Variants in CENPI observed in about 807,000 individuals in gnomAD.
CENPI encodes the protein centromere protein I.
In CENPI, 4 loss-of-function variants were observed where a neutral mutation model predicts 60.4. The ratio of observed to expected loss-of-function variants is 0.07; its 90% CI spans 0.03 to 0.15. CENPI has a LOEUF of 0.15. Ranked by LOEUF, CENPI falls within the 10% of genes least tolerant of loss-of-function variation. The probability of loss-of-function intolerance (pLI) is 1.00; values close to 1 mark genes in which losing one functional copy is unlikely to be tolerated. For synonymous variants in CENPI, 157 were observed against 189.4 expected (o/e 0.83, Z 1.40); for missense variants, 444 against 534.5 (o/e 0.83, Z 1.67).
At chrX:101,126,912 A>G in intron 9 of CENPI, 114 bp downstream of exon 9, 1 of 736,970 alleles carries the variant, frequency 1.4e-6, no homozygotes, top group South Asian at 2.9e-5. Context: ...ACTGTCTAGT[A>G]TTGTGGTACT....
intron 18 of CENPI, among the ~76,000 whole-genome samples, chrX:101,146,515 A>G (rs1158526595): frequency 3.6e-5 from 4 of 111,433 alleles, no homozygotes; most frequent in African/African-American, 9.8e-5. Context: ...TTGTTGTGCA[A>G]TGGTACTGTT....
chrX:101,178,691 G>A, the CENPI span, among the ~76,000 whole-genome samples: 1 of 111,438 alleles, frequency 9.0e-6, no homozygotes, highest in African/African-American at 3.3e-5. Flanking sequence ...GATTACAGGC[G>A]TGAGCCACCA....
chrX:101,131,289 G>A (rs1298138164), intron 13 of CENPI, among the ~76,000 whole-genome samples: 5 of 111,871 alleles, frequency 4.5e-5, no homozygotes, highest in Non-Finnish European at 9.4e-5. Context: ...GAGATTATAG[G>A]TGTGAGCCAT....
At chrX:101,112,179 A>C (rs1276880067) in intron 6 of CENPI, among the ~76,000 whole-genome samples, 1 of 112,610 alleles carries the variant, frequency 8.9e-6, no homozygotes, top group Admixed American at 9.4e-5. Flanking sequence ...TGAGCATTCA[A>C]GTGAAAAATC....
the CENPI span, among the ~76,000 whole-genome samples, chrX:101,173,661 T>TAA: frequency 9.0e-6 from 1 of 110,870 alleles, no homozygotes; most frequent in South Asian, 3.8e-4. Flanking sequence ...CAGAGACCAT[T>TAA]ATGAACACCT....
intron 20 of CENPI, among the ~76,000 whole-genome samples, chrX:101,157,690 C>G (rs1602860611): frequency 9.9e-6 from 1 of 101,116 alleles, no homozygotes; most frequent in African/African-American, 3.6e-5. Flanking sequence ...TTGGTTGTTT[C>G]ATTTTTTTAA....
At chrX:101,107,243 A>G (rs1427133635) in intron 4 of CENPI, among the ~76,000 whole-genome samples, 1 of 110,735 alleles carries the variant, frequency 9.0e-6, no homozygotes. Flanking sequence ...AGTGTCCGTC[A>G]GTAGCTTTAA....
In CENPI at chrX:101,165,666, G is replaced by T. The variant is rs749243875; in HGVS notation, c.*2699G>T. ...AGCTAGAGAAGAGAAGGTAGCAAAA[G>T]ACAGAGACCTAAGGTATGCCAGCAT... On this transcript the variant is annotated 3_prime_UTR_variant, in exon 22 of 22. Transcript: ENST00000682095. 9.9e-5 allele frequency among the ~76,000 whole-genome samples: 11 copies of T among 111,321 alleles called. No individual in the cohort carries two copies. The highest frequency in any genetic ancestry group is 9.4e-5 in the Non-Finnish European group (5 of 53,106).
chrX:101,115,286 A>ATT lies in CENPI; in HGVS notation c.592-5105_592-5104dup, dbSNP rs1394282270. ...GCCATTTATTTTTTTCATTATTTCTATTTTTTTTTTTTAAATTTGAGATGG... is the reference window on the plus strand; with the variant it reads ...GCCATTTATTTTTTTCATTATTTCTATTTTTTTTTTTTTTAAATTTGAGATGG... On this transcript the variant is annotated intron_variant, in intron 6 of 21. Transcript: ENST00000682095. Among the ~76,000 whole-genome samples the ATT allele has an allele frequency of 4.5e-5, 4 of 89,366 alleles. No individual in the cohort carries two copies. In the East Asian group the frequency reaches 1.4e-3, roughly 31 times the overall value. The allele number at this position is 89,366 out of a possible 115,157, so 77.6% of individuals were successfully genotyped here. A position where few individuals can be genotyped will look rare whatever the true frequency, so the allele number is the denominator to read the frequency against.
At chrX:101,112,935 A>G (rs1249288074) in intron 6 of CENPI, among the ~76,000 whole-genome samples, 3 of 109,462 alleles carry the variant, frequency 2.7e-5, no homozygotes, top group East Asian at 5.7e-4. Context: ...ATAAATTCAG[A>G]TATCTTATTT....
intron 4 of CENPI, among the ~76,000 whole-genome samples, chrX:101,107,525 T>G (rs1296707650): frequency 3.7e-5 from 4 of 106,926 alleles, no homozygotes; most frequent in Non-Finnish European, 7.7e-5. Context: ...CCCAGCTAAT[T>G]TTTGTATTTT....
At chrX:101,155,656 G>T (rs763896836) in intron 20 of CENPI, among the ~76,000 whole-genome samples, 1 of 111,993 alleles carries the variant, frequency 8.9e-6, no homozygotes, top group Non-Finnish European at 1.9e-5. Flanking sequence ...ATCCTGTTTG[G>T]TGATGGATAA....
chrX:101,098,442 A>G lies in CENPI; in HGVS notation c.-109-2A>G, dbSNP rs1417309425. ...AGCTGCTCCCCTGCCCTTCTTTCCT[A>G]GGAACCTAGGAAATAACTCGGAACC... is the stretch of plus-strand genomic sequence containing the variant. On this transcript the variant is annotated splice_acceptor_variant, in intron 1 of 21. Coordinates refer to ENST00000682095, the MANE Select transcript of CENPI (RefSeq NM_001386188.2). LOFTEE classifies it low-confidence loss of function (5UTR_SPLICE). The G allele has an allele frequency of 1.7e-4, 19 of 110,757 alleles. No individual in the cohort carries two copies. 9.1% of individuals were successfully genotyped at this position (110,757 alleles called of 1,213,427 possible).
At chrX:101,125,336 T>A (rs1171787463) in intron 8 of CENPI, among the ~76,000 whole-genome samples, 2 of 111,994 alleles carry the variant, frequency 1.8e-5, no homozygotes, top group Admixed American at 1.9e-4. Flanking sequence ...ATTTCTCATA[T>A]GCTGTTATCT....
At chrX:101,178,723 C>CT in the CENPI span, among the ~76,000 whole-genome samples, 1 of 111,786 alleles carries the variant, frequency 8.9e-6, no homozygotes, top group African/African-American at 3.3e-5. Flanking sequence ...ATCTATGCTG[C>CT]TTAAAGAACT....
intron 4 of CENPI, among the ~76,000 whole-genome samples, 183 bp from the exon 5 acceptor site, chrX:101,109,290 G>T (rs1387638665): frequency 9.2e-6 from 1 of 109,124 alleles, no homozygotes; most frequent in Non-Finnish European, 1.9e-5. Context: ...CATGTTGGTC[G>T]GGCTGGTCTT....
intron 15 of CENPI, among the ~76,000 whole-genome samples, chrX:101,136,965 C>T (rs191870650): frequency 7.8e-4 from 86 of 110,495 alleles, no homozygotes; most frequent in African/African-American, 2.3e-3. Context: ...CAGGCTGGAG[C>T]GCAGTGGCAT....
rs1177723918 is a variant in CENPI at position 101,163,959 on chromosome X, C to T, written c.*992C>T. 3.7e-5 allele frequency among the ~76,000 whole-genome samples: 4 copies of T among 109,058 alleles called. No homozygotes were observed. The highest frequency in any genetic ancestry group is 2.9e-4 in the East Asian group (1 of 3,462). 94.7% of individuals were successfully genotyped at this position (109,058 alleles called of 115,157 possible). A position where few individuals can be genotyped will look rare whatever the true frequency, so the allele number is the denominator to read the frequency against. ...CTGGGGCAGGAGAATCGCTTGAACC[C>T]GGGAGGCGGAGGTTGCAGTGAGCCA... is the stretch of plus-strand genomic sequence containing the variant. On this transcript the variant is annotated 3_prime_UTR_variant, in exon 22 of 22. Coordinates refer to ENST00000682095, the MANE Select transcript of CENPI (RefSeq NM_001386188.2).
Position 101,145,075 on chromosome X carries a change from T to C in CENPI, c.1577T>C (p.Leu526Ser). 8.3e-7 allele frequency: 1 copy of C among 1,200,904 alleles called. No individual in the cohort carries two copies. Among genetic ancestry groups the C allele is most frequent in the East Asian group, 3.0e-5 (1 of 33,743 alleles). Residue 526 changes from leucine (L) to serine (S), a missense_variant, in exon 17 of 22, where the codon TTG becomes TCG. By Grantham distance (145) the Leu-to-Ser change is moderately radical. Coordinates refer to ENST00000682095, the MANE Select transcript of CENPI (RefSeq NM_001386188.2). ...PVTNSPLETTLGGSMNSVSKL... is the reference protein window; with the variant it reads ...PVTNSPLETTSGGSMNSVSKL... ...GTTTCTTATTGCAGAGAGACAACTTTGGGTGGATCCATGAACTCTGTGTCT... is the reference window on the plus strand; with the variant it reads ...GTTTCTTATTGCAGAGAGACAACTTCGGGTGGATCCATGAACTCTGTGTCT...
Sources: gnomAD v4.1 joint callset for allele counts (sites outside exome capture counted in the v4.1 genomes callset) on GRCh38, gnomAD v4.1.1 for gene constraint, MANE v1.5 for transcripts, NCBI Gene and HGNC (gene_info 2026-07-23, HGNC 2026-07-21) for gene names.